Variants in IPO11 observed in about 807,000 individuals in gnomAD.
The protein encoded by IPO11 is importin-11.
Under a neutral mutation model 143.2 loss-of-function variants are expected in IPO11, and 66 were observed. The ratio of observed to expected loss-of-function variants is 0.46; its 90% CI spans 0.38 to 0.57. The LOEUF (loss-of-function observed/expected upper bound fraction) is 0.57. Among genes scored for constraint, IPO11 ranks in the 20% least tolerant of loss-of-function variants. IPO11 has a pLI of 0.00. For synonymous variants in IPO11, 385 were observed against 377.8 expected (o/e 1.02, Z -0.22); for missense variants, 1,026 against 1,141.0 (o/e 0.90, Z 1.45).
intron 2 of IPO11, among the ~76,000 whole-genome samples, chr5:62,441,926 A>C (rs1458979936): frequency 6.7e-6 from 1 of 150,278 alleles, no homozygotes; most frequent in Non-Finnish European, 1.5e-5. Context: ...GCTTACTGCA[A>C]CCTCCACCTT....
chr5:62,435,625 C>T (rs1247824556), intron 1 of IPO11, among the ~76,000 whole-genome samples: 54 of 151,582 alleles, frequency 3.6e-4, no homozygotes, highest in Non-Finnish European at 1.2e-4. Context: ...CCTGTAATCC[C>T]AGCACTTTGG....
Position 62,414,935 on chromosome 5 carries a change from A to G in IPO11, c.-7+2006A>G, listed in dbSNP as rs534298891. Among the ~76,000 whole-genome samples, 103 of 152,318 alleles carry G rather than the reference A, an allele frequency of 6.8e-4. 1 individual carries two copies. Among genetic ancestry groups the G allele is most frequent in the African/African-American group, 2.4e-3 (100 of 41,568 alleles). ...GCCCAGAAAGGTAAGTGCCTTGCAT[A>G]AGGTCACACATACCTAGATTTATAA... On this transcript the variant is annotated intron_variant, in intron 1 of 29. Coordinates refer to ENST00000325324, the MANE Select transcript of IPO11 (RefSeq NM_016338.5).
At chr5:62,480,906 ATTTTTTTTTTTTTTTT>A (rs34947365) in intron 9 of IPO11, among the ~76,000 whole-genome samples, 1 of 84,964 alleles carries the variant, frequency 1.2e-5, no homozygotes, top group Non-Finnish European at 2.3e-5. Flanking sequence ...TTCCTCTTTC[ATTTTTTTTTTTTTTTT>A]TTTTTTTTTT....
intron 27 of IPO11, among the ~76,000 whole-genome samples, chr5:62,569,610 A>G (rs959883720): frequency 6.6e-6 from 1 of 152,200 alleles, no homozygotes; most frequent in East Asian, 1.9e-4. Flanking sequence ...TGAAGTAACA[A>G]GGGGAGGGTT....
chr5:62,522,267 G>C (rs1163105923), intron 20 of IPO11, among the ~76,000 whole-genome samples: 1 of 151,210 alleles, frequency 6.6e-6, no homozygotes, highest in Non-Finnish European at 1.5e-5. Flanking sequence ...GTGTGGTGGG[G>C]AGGCTTGCTG....
intron 20 of IPO11, among the ~76,000 whole-genome samples, chr5:62,515,713 T>C (rs1217681861): frequency 6.6e-6 from 1 of 152,228 alleles, no homozygotes; most frequent in Non-Finnish European, 1.5e-5. Context: ...AAAAATATTA[T>C]TCACTTTTAA....
intron 29 of IPO11, among the ~76,000 whole-genome samples, chr5:62,621,677 A>G (rs752249512): frequency 6.6e-6 from 1 of 152,216 alleles, no homozygotes; most frequent in African/African-American, 2.4e-5. Flanking sequence ...AGAGAATTTA[A>G]TAAGTGATAA....
intron 16 of IPO11, among the ~76,000 whole-genome samples, chr5:62,503,259 G>T (rs2112259386): frequency 6.6e-6 from 1 of 151,194 alleles, no homozygotes; most frequent in Admixed American, 6.6e-5. Flanking sequence ...TCCTCAAGGG[G>T]ATTGTCCTGT....
At chr5:62,555,485 T>TATTTATTTATTTATTG (rs1743544616) in intron 26 of IPO11, among the ~76,000 whole-genome samples, 4 of 145,096 alleles carry the variant, frequency 2.8e-5, no homozygotes, top group African/African-American at 1.0e-4. Flanking sequence ...GCTAATTATT[T>TATTTATTTATTTATTG]ATTTATTTAT....
chr5:62,430,157 T>G (rs990102852), intron 1 of IPO11, among the ~76,000 whole-genome samples: 1 of 152,094 alleles, frequency 6.6e-6, no homozygotes, highest in Non-Finnish European at 1.5e-5. Flanking sequence ...TGTATACGAG[T>G]TTTTGTATGG....
At chr5:62,563,530 TA>T (rs1167312697) in intron 27 of IPO11, among the ~76,000 whole-genome samples, 2 of 152,192 alleles carry the variant, frequency 1.3e-5, no homozygotes, top group African/African-American at 4.8e-5. Flanking sequence ...TGTGGAAATT[TA>T]ATATAGGTTG....
chr5:62,474,815 T>A (rs907154485), intron 8 of IPO11, among the ~76,000 whole-genome samples: 5 of 152,162 alleles, frequency 3.3e-5, no homozygotes, highest in African/African-American at 1.2e-4. Context: ...TGTACTATGC[T>A]TTTTTGAGCT....
chr5:62,606,351 G>T (rs1341568320), intron 29 of IPO11, among the ~76,000 whole-genome samples: 2 of 151,456 alleles, frequency 1.3e-5, no homozygotes, highest in Non-Finnish European at 2.9e-5. Context: ...ATGATGGCGT[G>T]CATCTGTAGT....
intron 29 of IPO11, among the ~76,000 whole-genome samples, chr5:62,609,993 C>A (rs976362109): frequency 1.3e-5 from 2 of 152,100 alleles, no homozygotes; most frequent in African/African-American, 4.8e-5. Context: ...TGTAGCAGTC[C>A]CATTTAGGGA....
intron 7 of IPO11, among the ~76,000 whole-genome samples, chr5:62,470,547 G>A (rs1390365397): frequency 1.3e-5 from 2 of 152,100 alleles, no homozygotes; most frequent in Non-Finnish European, 2.9e-5. Flanking sequence ...TACATTGAGA[G>A]TGTTAATTTG....
At chr5:62,441,541 G>A (rs1285561274) in intron 2 of IPO11, among the ~76,000 whole-genome samples, 1 of 80,040 alleles carries the variant, frequency 1.2e-5, no homozygotes, top group Non-Finnish European at 2.3e-5. Context: ...ATGGGACAGA[G>A]TTTTGCTCTT....
At chr5:62,424,340 C>T (rs1294991664) in intron 1 of IPO11, among the ~76,000 whole-genome samples, 3 of 152,010 alleles carry the variant, frequency 2.0e-5, no homozygotes, top group Admixed American at 2.0e-4. Flanking sequence ...GGGGTTTCAC[C>T]ATGTTAGCCA....
intron 19 of IPO11, among the ~76,000 whole-genome samples, chr5:62,509,518 A>T (rs917465955): frequency 6.6e-6 from 1 of 152,202 alleles, no homozygotes; most frequent in Non-Finnish European, 1.5e-5. Context: ...TTAACATGAG[A>T]TCCATCCTCT....
intron 29 of IPO11, among the ~76,000 whole-genome samples, chr5:62,602,480 C>T (rs1359393742): frequency 6.6e-6 from 1 of 152,076 alleles, no homozygotes; most frequent in South Asian, 2.1e-4. Context: ...CTTCTGGCCT[C>T]ATCATTTAAC....
Sources: gnomAD v4.1 joint callset for allele counts (sites outside exome capture counted in the v4.1 genomes callset) on GRCh38, gnomAD v4.1.1 for gene constraint, MANE v1.5 for transcripts, NCBI Gene and HGNC (gene_info 2026-07-23, HGNC 2026-07-21) for gene names.